Variants in TDRD6 observed in about 807,000 individuals in gnomAD.
The protein encoded by TDRD6 is tudor domain-containing protein 6.
A neutral mutation model predicts 157.5 loss-of-function variants in TDRD6; 186 were observed. The ratio of observed to expected loss-of-function variants is 1.18; its 90% CI spans 1.05 to 1.33. The LOEUF (loss-of-function observed/expected upper bound fraction) is 1.33. Ranked by LOEUF, TDRD6 falls within the 40% of genes most tolerant of loss-of-function variation. TDRD6 has a pLI of 0.00. For synonymous variants in TDRD6, 1,075 were observed against 945.2 expected, an observed-to-expected ratio of 1.14 and a Z score of -2.52; for missense variants, 3,066 against 2,508.0, an observed-to-expected ratio of 1.22 and a Z score of -4.75.
intron 2 of TDRD6, among the ~76,000 whole-genome samples, chr6:46,696,765 C>T (rs1350069184): frequency 2.7e-5 from 4 of 149,616 alleles, no homozygotes; most frequent in South Asian, 2.1e-4. Flanking sequence ...GCGCCCACCA[C>T]GACGCCCAGC....
At chr6:46,681,991 C>CA in the TDRD6 span, among the ~76,000 whole-genome samples, 108 of 148,108 alleles carry the variant, frequency 7.3e-4, no homozygotes, top group South Asian at 0.022. Context: ...GGTTGTACAA[C>CA]AATGTGAATA....
Position 46,690,726 on chromosome 6 carries a change from T to C in TDRD6, c.2598T>C (p.Tyr866=). ...DREMVSVKNI[Y]SISEEFLKVK... ...AAATGGTATCTGTGAAGAATATTTATTCAATTAGTGAAGAATTTCTGAAGG... is the reference window on the plus strand; with the variant it reads ...AAATGGTATCTGTGAAGAATATTTACTCAATTAGTGAAGAATTTCTGAAGG... The change falls in exon 1 of 4, where the codon TAT becomes TAC. Residue 866 remains tyrosine (Y), a synonymous_variant. Transcript: ENST00000316081. 1 of 1,614,178 alleles carries C rather than the reference T, an allele frequency of 6.2e-7. No homozygotes were observed. Among genetic ancestry groups the C allele is most frequent in the South Asian group, 1.1e-5 (1 of 91,080 alleles).
At chr6:46,683,333 A>G (rs1764007442), upstream of TDRD6, among the ~76,000 whole-genome samples, 1 of 152,068 alleles carries the variant, frequency 6.6e-6, no homozygotes, top group Admixed American at 6.5e-5. Context: ...AGACCTAAAT[A>G]CAAGAGCCAA....
chr6:46,694,003 C>T lies in TDRD6; in HGVS notation c.5875C>T (p.Leu1959=), dbSNP rs1345193697. The T allele has an allele frequency of 6.2e-7, 1 of 1,613,752 alleles. No individual in the cohort carries two copies. The highest frequency in any genetic ancestry group is 1.7e-5 in the Admixed American group (1 of 59,956). Residue 1959 remains leucine, a synonymous_variant, in exon 1 of 4, where the codon CTA becomes TTA. Coordinates refer to ENST00000316081, the MANE Select transcript of TDRD6 (RefSeq NM_001010870.3). The part of the protein sequence containing the change: ...FDDQRRMSLH[L]HGADCDPKTQ... ...TGACCAGCGCAGGATGTCATTGCATCTACATGGAGCAGATTGTGATCCTAA... is the reference window on the plus strand; with the variant it reads ...TGACCAGCGCAGGATGTCATTGCATTTACATGGAGCAGATTGTGATCCTAA...
At chr6:46,687,871 A>C, upstream of TDRD6, 2 of 450,620 alleles carry the variant, frequency 4.4e-6, no homozygotes, top group Non-Finnish European at 7.6e-6. Context: ...GGCGGCGCCG[A>C]GTGAGGTAAA....
Position 46,692,641 on chromosome 6 carries a change from A to G in TDRD6, c.4513A>G (p.Ile1505Val), listed in dbSNP as rs1309365007. Reference protein sequence around the residue: ...ASSKSVNKSDIDTSVFLNWYN... With the variant: ...ASSKSVNKSDVDTSVFLNWYN... ...TTCAAAGTCTGTTAACAAATCAGAC[A>G]TTGACACTTCAGTATTTCTTAACTG... The change falls in exon 1 of 4, where the codon ATT becomes GTT. Residue 1505 changes from isoleucine to valine, a missense_variant. Coordinates refer to ENST00000316081, the MANE Select transcript of TDRD6 (RefSeq NM_001010870.3). 1 of 1,613,540 alleles carries G rather than the reference A, an allele frequency of 6.2e-7. No individual in the cohort carries two copies. The highest frequency in any genetic ancestry group is 8.5e-7 in the Non-Finnish European group (1 of 1,179,840).
At position 46,691,174 on chromosome 6, in the gene TDRD6, T is replaced by C; in HGVS notation, c.3046T>C (p.Ser1016Pro). Residue 1016 changes from serine to proline, a missense_variant, in exon 1 of 4, where the codon TCA becomes CCA. Transcript: ENST00000316081. ...ARNANILEQL[S>P]CSITQLSKVL... ...AAATGCAAATATTTTAGAACAGTTG[T>C]CATGTAGTATTACACAATTAAGTAA... is the stretch of plus-strand genomic sequence containing the variant. 2 of 1,613,726 alleles carry C rather than the reference T, an allele frequency of 1.2e-6. No homozygotes were observed. Among genetic ancestry groups the C allele is most frequent in the South Asian group, 2.2e-5 (2 of 91,034 alleles).
the TDRD6 span, among the ~76,000 whole-genome samples, chr6:46,682,046 T>A: frequency 1.3e-5 from 2 of 152,114 alleles, no homozygotes; most frequent in Non-Finnish European, 2.9e-5. Flanking sequence ...GTTTCAATGG[T>A]AAGTTTTGTT....
chr6:46,693,043 T>A lies in TDRD6; in HGVS notation c.4915T>A (p.Phe1639Ile). Residue 1639 changes from phenylalanine to isoleucine, a missense_variant, in exon 1 of 4, where the codon TTT (phenylalanine) becomes ATT (isoleucine). Phe to Ile is a conservative substitution (Grantham distance 21, BLOSUM62 0). Coordinates refer to ENST00000316081, the MANE Select transcript of TDRD6 (RefSeq NM_001010870.3). ...MQAFPCCLSGFNISEGLCSQE... is the reference protein window; with the variant it reads ...MQAFPCCLSGINISEGLCSQE... ...AGCCTTTCCATGTTGCCTCTCAGGG[T>A]TTAACATTTCAGAAGGATTATGTTC... 6.2e-7 allele frequency: 1 copy of A among 1,613,862 alleles called. No homozygotes were observed. Among genetic ancestry groups the A allele is most frequent in the Non-Finnish European group, 8.5e-7 (1 of 1,179,918 alleles).
Position 46,693,742 on chromosome 6 carries a change from G to T in TDRD6, c.5614G>T (p.Val1872Leu), listed in dbSNP as rs142413497. ...VDEEKGELSP[V>L]PPNVPLSQEC... Reference sequence around the variant, plus strand: ...TGAAGAAAAAGGGGAGCTAAGCCCGGTGCCACCGAATGTGCCACTCTCCCA... The same window carrying T: ...TGAAGAAAAAGGGGAGCTAAGCCCGTTGCCACCGAATGTGCCACTCTCCCA... Residue 1872 changes from valine to leucine, a missense_variant, in exon 1 of 4, where the codon GTG becomes TTG. Coordinates refer to ENST00000316081, the MANE Select transcript of TDRD6 (RefSeq NM_001010870.3). 11,016 of 1,614,154 alleles carry T rather than the reference G, an allele frequency of 6.8e-3. 53 individuals carry two copies. The highest frequency in any genetic ancestry group is 9.6e-3 in the Middle Eastern group (58 of 6,058).
chr6:46,681,054 C>A, the TDRD6 span, among the ~76,000 whole-genome samples: 1 of 152,150 alleles, frequency 6.6e-6, no homozygotes, highest in Non-Finnish European at 1.5e-5. Context: ...TCTTTGTATC[C>A]CTTACAAACT....
In TDRD6 at chr6:46,689,846, G is replaced by A. The variant is rs1159082751; in HGVS notation, c.1718G>A (p.Gly573Asp). 6.2e-7 allele frequency: 1 copy of A among 1,614,180 alleles called. No homozygotes were observed. Among genetic ancestry groups the A allele is most frequent in the Non-Finnish European group, 8.5e-7 (1 of 1,180,032 alleles). ...KSVDVFLVDRGNSENVDWYDV... is the reference protein window; with the variant it reads ...KSVDVFLVDRDNSENVDWYDV... ...GTGGATGTATTCTTAGTTGACCGAG[G>A]CAATTCGGAAAATGTGGACTGGTAT... The change falls in exon 1 of 4, where the codon GGC (glycine) becomes GAC (aspartate). Residue 573 changes from glycine (G) to aspartate (D), a missense_variant. Coordinates refer to ENST00000316081, the MANE Select transcript of TDRD6 (RefSeq NM_001010870.3).
rs766690499 is a variant in TDRD6, at chr6:46,691,779, C to A, written c.3651C>A (p.Ile1217=). 1.3e-6 allele frequency: 2 copies of A among 1,599,704 alleles called. No homozygotes were observed. The highest frequency in any genetic ancestry group is 1.7e-6 in the Non-Finnish European group (2 of 1,176,500). The change falls in exon 1 of 4, where the codon ATC becomes ATA. Residue 1217 remains isoleucine, a synonymous_variant. Transcript: ENST00000316081. ...TGGAAGAGTCATATAAACCTCAGAT[C>A]AACTCATCATACAAGGAACTCAAAC... ...EILEESYKPQ[I]NSSYKELKLL...
Position 46,693,256 on chromosome 6 carries a change from G to C in TDRD6, c.5128G>C (p.Glu1710Gln). The C allele has an allele frequency of 6.2e-7, 1 of 1,613,546 alleles. No homozygotes were observed. Among genetic ancestry groups the C allele is most frequent in the South Asian group, 1.1e-5 (1 of 90,950 alleles). The change falls in exon 1 of 4, where the codon GAA becomes CAA. Residue 1710 changes from glutamate to glutamine, a missense_variant. Transcript: ENST00000316081. ...KTGIKSALPY[E>Q]NIDSEIKQTL... ...TGGTATTAAAAGTGCTCTTCCCTATGAAAATATTGACTCAGAGATAAAGCA... is the reference window on the plus strand; with the variant it reads ...TGGTATTAAAAGTGCTCTTCCCTATCAAAATATTGACTCAGAGATAAAGCA...
chr6:46,701,878 G>A lies in TDRD6; in HGVS notation c.6282G>A (p.Met2094Ile), dbSNP rs143747390. ...SPPEKRGLEV[M>I]EI ...TTCAGAAAAGGGGTTTGGAGGTGAT[G>A]GAGATTTAACCGTGGATCTATAGCT... Residue 2094 changes from methionine to isoleucine, a missense_variant, in exon 4 of 4, where the codon ATG becomes ATA. Coordinates refer to ENST00000316081, the MANE Select transcript of TDRD6 (RefSeq NM_001010870.3). 4.3e-6 allele frequency: 7 copies of A among 1,612,692 alleles called. No individual in the cohort carries two copies. Among genetic ancestry groups the A allele is most frequent in the Non-Finnish European group, 5.9e-6 (7 of 1,179,072 alleles).
chr6:46,693,361 C>A lies in TDRD6; in HGVS notation c.5233C>A (p.Gln1745Lys), dbSNP rs190343514. 2.1e-4 allele frequency: 341 copies of A among 1,609,692 alleles called. 1 individual carries two copies. The highest frequency in any genetic ancestry group is 4.3e-4 in the Admixed American group (25 of 58,726). ...TGTACAAAATAAAATATATATGGAA[C>A]AACAGACAGATGAGCTTGCTGAAAT... ...KAVQNKIYME[Q>K]QTDELAEITE... The change falls in exon 1 of 4, where the codon CAA (glutamine) becomes AAA (lysine). Residue 1745 changes from glutamine to lysine, a missense_variant. Transcript: ENST00000316081.
At chr6:46,697,886 T>G (rs1323348806) in intron 2 of TDRD6, 112 bp from the exon 3 acceptor site, 1 of 531,980 alleles carries the variant, frequency 1.9e-6, no homozygotes, top group African/African-American at 1.9e-5. Context: ...AGACCCTATC[T>G]CAAAATAATA....
In TDRD6 at chr6:46,701,407, G is replaced by A. The variant is rs566606829; in HGVS notation, c.6262-451G>A. On this transcript the variant is annotated intron_variant, in intron 3 of 3. Transcript: ENST00000316081. ...ATCTCTTGGAATTTCTGAATCTTTA[G>A]TTTATATAAGATTCAAATTATTGGC... Among the ~76,000 whole-genome samples the A allele has an allele frequency of 2.6e-5, 4 of 152,114 alleles. No homozygotes were observed. The South Asian group carries it at 8.3e-4, about 32-fold the overall frequency.
intron 2 of TDRD6, 149 bp downstream of exon 2, chr6:46,696,094 A>C: frequency 1.3e-6 from 1 of 795,034 alleles, no homozygotes; most frequent in Non-Finnish European, 1.9e-6. Flanking sequence ...CATATATTTT[A>C]AATCTCCATA....
Sources: gnomAD v4.1 joint callset for allele counts (sites outside exome capture counted in the v4.1 genomes callset) on GRCh38, gnomAD v4.1.1 for gene constraint, MANE v1.5 for transcripts, NCBI Gene and HGNC (gene_info 2026-07-23, HGNC 2026-07-21) for gene names.